The following NEK11 variants were observed in gnomAD, a reference collection of about 807,000 sequenced individuals.
NEK11 encodes the protein serine/threonine-protein kinase Nek11.
Under a neutral mutation model 80.7 loss-of-function variants are expected in NEK11, and 72 were observed. The ratio of observed to expected loss-of-function variants is 0.89; its 90% CI spans 0.74 to 1.08. The LOEUF (loss-of-function observed/expected upper bound fraction) is 1.08. NEK11 is among the 50% of genes least tolerant of loss of function. The probability of loss-of-function intolerance (pLI) is 0.00; values close to 1 mark genes in which losing one functional copy is unlikely to be tolerated. For synonymous variants in NEK11, 251 were observed against 260.7 expected (o/e 0.96, Z 0.36); for missense variants, 764 against 763.6 (o/e 1.00, Z -0.01).
chr3:131,074,140 A>G (rs774168658), intron 3 of NEK11, among the ~76,000 whole-genome samples: 1 of 151,854 alleles, frequency 6.6e-6, no homozygotes. Flanking sequence ...CCACTTTCCT[A>G]TTACTTCCCA....
At chr3:131,110,675 A>G (rs1389671266) in intron 5 of NEK11, among the ~76,000 whole-genome samples, 1 of 152,136 alleles carries the variant, frequency 6.6e-6, no homozygotes, top group Non-Finnish European at 1.5e-5. Flanking sequence ...TTCACCTTGG[A>G]AGTGGGCGTT....
chr3:131,318,799 G>A (rs1265113110), intron 17 of NEK11, among the ~76,000 whole-genome samples: 1 of 150,144 alleles, frequency 6.7e-6, no homozygotes, highest in South Asian at 2.1e-4. Flanking sequence ...ATATCCAATG[G>A]CATATTCTAT....
At chr3:131,123,316 G>A (rs1292217387) in intron 5 of NEK11, among the ~76,000 whole-genome samples, 2 of 152,034 alleles carry the variant, frequency 1.3e-5, no homozygotes, top group African/African-American at 2.4e-5. Flanking sequence ...ACAGGCATAC[G>A]CCACCATGCC....
chr3:131,262,098 T>C (rs953519864), intron 16 of NEK11, among the ~76,000 whole-genome samples: 2 of 151,600 alleles, frequency 1.3e-5, no homozygotes, highest in Non-Finnish European at 2.9e-5. Context: ...AGAGGGGACA[T>C]TACTACTAAC....
At chr3:131,294,829 C>T (rs746288784) in intron 17 of NEK11, among the ~76,000 whole-genome samples, 6 of 152,012 alleles carry the variant, frequency 3.9e-5, no homozygotes, top group Non-Finnish European at 8.8e-5. Flanking sequence ...CTATGTAATG[C>T]CTTTATTTAT....
chr3:131,349,585 G>A lies in NEK11; in HGVS notation c.1747G>A (p.Val583Ile), dbSNP rs775217055. 1.2e-6 allele frequency: 2 copies of A among 1,614,150 alleles called. No homozygotes were observed. Among genetic ancestry groups the A allele is most frequent in the Non-Finnish European group, 1.7e-6 (2 of 1,180,026 alleles). Residue 583 changes from valine (V) to isoleucine (I), a missense_variant, in exon 18 of 18, where the codon GTA becomes ATA. Transcript: ENST00000383366. ...AGCCATGCAGAAGCTGGGGACAGAA[G>A]TATTTGAAGAGGTCTATAATTACCT... ...ESAMQKLGTE[V>I]FEEVYNYLKR... is the part of the protein sequence containing the mutation.
At chr3:131,342,227 GC>G (rs2097297655) in intron 17 of NEK11, among the ~76,000 whole-genome samples, 1 of 152,204 alleles carries the variant, frequency 6.6e-6, no homozygotes, top group African/African-American at 2.4e-5. Context: ...TTCAGAGACA[GC>G]CATTTGAAAC....
At chr3:131,153,370 A>G (rs2090049260) in intron 9 of NEK11, among the ~76,000 whole-genome samples, 1 of 152,182 alleles carries the variant, frequency 6.6e-6, no homozygotes, top group South Asian at 2.1e-4. Flanking sequence ...CCTTTATTAC[A>G]TATCTCAATA....
At chr3:131,106,762 A>G (rs983240451) in intron 4 of NEK11, among the ~76,000 whole-genome samples, 1 of 152,190 alleles carries the variant, frequency 6.6e-6, no homozygotes, top group Non-Finnish European at 1.5e-5. Context: ...AATTTTGGCA[A>G]TACCATAAAG....
chr3:131,347,441 TAGA>T (rs1274383224), intron 17 of NEK11, among the ~76,000 whole-genome samples: 6 of 152,186 alleles, frequency 3.9e-5, no homozygotes, highest in African/African-American at 1.2e-4. Context: ...AAACCAGAGC[TAGA>T]AGAATTACCT....
At position 131,349,627 on chromosome 3, in the gene NEK11, C is replaced by A. The variant is rs141777290; in HGVS notation, c.1789C>A (p.Gln597Lys). The change falls in exon 18 of 18, where the codon CAG becomes AAG. Residue 597 changes from glutamine to lysine, a missense_variant. Gln to Lys is a moderately conservative substitution (Grantham distance 53). Coordinates refer to ENST00000383366, the MANE Select transcript of NEK11 (RefSeq NM_024800.5). ...TAATTACCTCAAGAGAGCAAGGCAT[C>A]AGAATGCTAGCGAAGCAGAGATCCG... ...VYNYLKRARH[Q>K]NASEAEIREC... The A allele has an allele frequency of 1.0e-4, 161 of 1,614,140 alleles. 3 individuals are homozygous for A. In the African/African-American group the frequency reaches 1.5e-3, roughly 15 times the overall value.
intron 14 of NEK11, chr3:131,174,737 C>T (rs1423691133): frequency 2.5e-6 from 4 of 1,599,394 alleles, no homozygotes; most frequent in East Asian, 4.5e-5. Context: ...TCTTTGTACT[C>T]TAGCATTTGT....
chr3:131,171,065 C>T, intron 14 of NEK11, 178 bp downstream of exon 14: 1 of 622,498 alleles, frequency 1.6e-6, no homozygotes, highest in South Asian at 1.8e-5. Context: ...AAGGATTTTT[C>T]TGTCCTCTCT....
At chr3:131,258,042 A>G (rs1289903568) in intron 16 of NEK11, among the ~76,000 whole-genome samples, 1 of 152,164 alleles carries the variant, frequency 6.6e-6, no homozygotes, top group Non-Finnish European at 1.5e-5. Flanking sequence ...TAGAGGGGCC[A>G]TTATTCTAAG....
At chr3:131,293,183 T>G (rs2096560927) in intron 17 of NEK11, among the ~76,000 whole-genome samples, 1 of 152,130 alleles carries the variant, frequency 6.6e-6, no homozygotes, top group Non-Finnish European at 1.5e-5. Flanking sequence ...TTGGAAAAGC[T>G]TTGAGTTTCT....
At chr3:131,304,185 C>T (rs946873262) in intron 17 of NEK11, among the ~76,000 whole-genome samples, 3 of 152,110 alleles carry the variant, frequency 2.0e-5, no homozygotes, top group Non-Finnish European at 4.4e-5. Flanking sequence ...TTTTCCACAG[C>T]TTGGTCTATT....
chr3:131,115,418 A>C (rs541589032), intron 5 of NEK11, among the ~76,000 whole-genome samples: 4 of 152,226 alleles, frequency 2.6e-5, no homozygotes, highest in Non-Finnish European at 5.9e-5. Context: ...AATACAGTGC[A>C]GCCGTAGAGG....
At chr3:131,264,225 C>A (rs1244588808) in intron 16 of NEK11, among the ~76,000 whole-genome samples, 2 of 152,160 alleles carry the variant, frequency 1.3e-5, no homozygotes, top group Non-Finnish European at 2.9e-5. Context: ...TAATTAGATC[C>A]CATTTGTCAA....
intron 17 of NEK11, among the ~76,000 whole-genome samples, chr3:131,322,980 C>T (rs1261563336): frequency 6.6e-6 from 1 of 152,214 alleles, no homozygotes; most frequent in Non-Finnish European, 1.5e-5. Context: ...TTGTTCCCCT[C>T]TCCCCTGCAT....
Sources: gnomAD v4.1 joint callset for allele counts (sites outside exome capture counted in the v4.1 genomes callset) on GRCh38, gnomAD v4.1.1 for gene constraint, MANE v1.5 for transcripts, NCBI Gene and HGNC (gene_info 2026-07-23, HGNC 2026-07-21) for gene names.